Variants in NYAP2 observed in about 807,000 individuals in gnomAD.
The protein encoded by NYAP2 is neuronal tyrosine-phosphorylated phosphoinositide-3-kinase adapter 2.
Under a neutral mutation model 50.4 loss-of-function variants are expected in NYAP2, and 23 were observed. The observed-to-expected ratio is 0.46, with a 90% confidence interval of 0.33 to 0.65. The LOEUF (loss-of-function observed/expected upper bound fraction) is 0.65, where lower values mean the gene tolerates loss of function less well. Among genes scored for constraint, NYAP2 ranks in the 30% least tolerant of loss-of-function variants. The probability of loss-of-function intolerance (pLI) is 0.02; values close to 1 mark genes in which losing one functional copy is unlikely to be tolerated. For missense variants in NYAP2, 885 were observed against 861.0 expected, an observed-to-expected ratio of 1.03 and a Z score of -0.35; for synonymous variants, 394 against 365.2, an observed-to-expected ratio of 1.08 and a Z score of -0.90.
At chr2:225,665,807 TAA>T in the NYAP2 span, among the ~76,000 whole-genome samples, 18 of 20,996 alleles carry the variant, frequency 8.6e-4, no homozygotes, top group African/African-American at 2.6e-3. Context: ...AGCCTCCGTC[TAA>T]AAAAAAAAAA....
chr2:225,479,964 A>C (rs1690178580), intron 3 of NYAP2, among the ~76,000 whole-genome samples: 1 of 152,040 alleles, frequency 6.6e-6, no homozygotes, highest in African/African-American at 2.4e-5. Flanking sequence ...TATATTAAGA[A>C]ATTCTTCTAC....
chr2:225,398,732 A>G (rs979817660), upstream of NYAP2, among the ~76,000 whole-genome samples: 1 of 151,992 alleles, frequency 6.6e-6, no homozygotes, highest in Non-Finnish European at 1.5e-5. Flanking sequence ...CCTCCTTTTC[A>G]TCTATCTAAT....
chr2:225,640,275 A>C (rs1056080395), intron 6 of NYAP2, among the ~76,000 whole-genome samples: 16 of 152,142 alleles, frequency 1.1e-4, no homozygotes, highest in African/African-American at 3.4e-4. Flanking sequence ...GGTGTTTTTC[A>C]CTGATTGTTG....
At chr2:225,663,353 G>C in the NYAP2 span, among the ~76,000 whole-genome samples, 1 of 152,096 alleles carries the variant, frequency 6.6e-6, no homozygotes, top group African/African-American at 2.4e-5. Flanking sequence ...AGCAGCAAAA[G>C]AGTGATTGTA....
At chr2:225,601,346 C>A (rs576971813) in intron 5 of NYAP2, among the ~76,000 whole-genome samples, 1 of 152,022 alleles carries the variant, frequency 6.6e-6, no homozygotes, top group Non-Finnish European at 1.5e-5. Flanking sequence ...GTCTCGATCT[C>A]TTGACCTTGG....
exon 4 of NYAP2, chr2:225,513,619 C>G: frequency 1.9e-6 from 3 of 1,550,102 alleles, no homozygotes; most frequent in Middle Eastern, 3.5e-4. Flanking sequence ...TCATCAGAGA[C>G]AGTCAGCAGC....
At chr2:225,511,373 C>CACACACACAGAG (rs376750469) in intron 3 of NYAP2, among the ~76,000 whole-genome samples, 4 of 117,768 alleles carry the variant, frequency 3.4e-5, no homozygotes, top group Admixed American at 8.8e-5. Context: ...CACACACACA[C>CACACACACAGAG]AGAGAGAGAG....
chr2:225,511,365 C>G (rs1314066406), intron 3 of NYAP2, among the ~76,000 whole-genome samples: 29 of 141,532 alleles, frequency 2.0e-4, no homozygotes, highest in East Asian at 6.1e-4. Context: ...CACACACACA[C>G]ACACACACAG....
intron 5 of NYAP2, among the ~76,000 whole-genome samples, chr2:225,608,972 C>T (rs1475425156): frequency 6.6e-6 from 1 of 152,056 alleles, no homozygotes; most frequent in Non-Finnish European, 1.5e-5. Context: ...TGTCAGTGGG[C>T]CATTGTAATC....
chr2:225,568,558 C>G (rs1171986133), intron 4 of NYAP2, among the ~76,000 whole-genome samples: 1 of 152,160 alleles, frequency 6.6e-6, no homozygotes, highest in East Asian at 1.9e-4. Flanking sequence ...GTCTATAAGT[C>G]ACTCAGCAGT....
intron 5 of NYAP2, among the ~76,000 whole-genome samples, chr2:225,618,767 C>T (rs1185649238): frequency 2.0e-5 from 3 of 152,164 alleles, no homozygotes; most frequent in Non-Finnish European, 4.4e-5. Flanking sequence ...TAACCCAAAG[C>T]ATTGGAACTT....
At chr2:225,493,964 C>A (rs1181007891) in intron 3 of NYAP2, among the ~76,000 whole-genome samples, 1 of 152,188 alleles carries the variant, frequency 6.6e-6, no homozygotes, top group African/African-American at 2.4e-5. Flanking sequence ...AAGTAAGGTT[C>A]TTACAATGAC....
chr2:225,554,323 T>C (rs1350269308), intron 4 of NYAP2, among the ~76,000 whole-genome samples: 2 of 142,842 alleles, frequency 1.4e-5, no homozygotes, highest in Non-Finnish European at 3.0e-5. Flanking sequence ...ACATTTATCT[T>C]TTTTTTTTTT....
rs1693226997 is a variant in NYAP2 at position 225,627,247 on chromosome 2, C to A, written c.1828+121C>A. On this transcript the variant is annotated intron_variant, in intron 6 of 6. Transcript: ENST00000636099. ...TCTGTCTGCACACAGAGAGGCACCACAAGTAACCATTCACGTAGGTTACAT... is the reference window on the plus strand; with the variant it reads ...TCTGTCTGCACACAGAGAGGCACCAAAAGTAACCATTCACGTAGGTTACAT... 4.0e-6 allele frequency: 3 copies of A among 744,328 alleles called. No homozygotes were observed. In the East Asian group the frequency reaches 8.1e-5, roughly 20 times the overall value. The allele number at this position is 744,328 out of a possible 1,614,324, so 46.1% of individuals were successfully genotyped here.
chr2:225,445,596 C>G (rs1028285070), intron 3 of NYAP2, among the ~76,000 whole-genome samples: 2 of 151,396 alleles, frequency 1.3e-5, no homozygotes, highest in Non-Finnish European at 2.9e-5. Context: ...ATGTGAATCA[C>G]TAAGATGTGA....
chr2:225,698,015 T>A, the NYAP2 span, among the ~76,000 whole-genome samples: 9 of 151,512 alleles, frequency 5.9e-5, no homozygotes, highest in Non-Finnish European at 1.3e-4. Flanking sequence ...TCTACCAAAA[T>A]TTTTTTTAAA....
At chr2:225,666,830 A>G in the NYAP2 span, among the ~76,000 whole-genome samples, 5 of 151,068 alleles carry the variant, frequency 3.3e-5, no homozygotes, top group East Asian at 3.9e-4. Flanking sequence ...TTACAGATAC[A>G]TATTCCCCCC....
At chr2:225,473,570 C>A (rs1690050250) in intron 3 of NYAP2, among the ~76,000 whole-genome samples, 1 of 152,208 alleles carries the variant, frequency 6.6e-6, no homozygotes, top group African/African-American at 2.4e-5. Flanking sequence ...TGATGATGAA[C>A]CTTTTTTCAT....
At chr2:225,604,347 A>G (rs1692748871) in intron 5 of NYAP2, among the ~76,000 whole-genome samples, 1 of 152,134 alleles carries the variant, frequency 6.6e-6, no homozygotes, top group Non-Finnish European at 1.5e-5. Context: ...AAGATTAGTG[A>G]TTCCCTATTC....
Sources: allele counts gnomAD v4.1 joint callset (sites outside exome capture counted in the v4.1 genomes callset), GRCh38; gene constraint gnomAD v4.1.1; transcripts MANE v1.5; gene names NCBI Gene and HGNC (gene_info 2026-07-23, HGNC 2026-07-21).